PITPNM2: variants seen among roughly 807,000 people sequenced by gnomAD.
The protein encoded by PITPNM2 is phosphatidylinositol transfer protein membrane associated 2, also known as membrane-associated phosphatidylinositol transfer protein 2.
In PITPNM2, 35 loss-of-function variants were observed where a neutral mutation model predicts 132.2. The ratio of observed to expected loss-of-function variants is 0.26; its 90% confidence interval spans 0.20 to 0.35. PITPNM2 has a LOEUF of 0.35. Ranked by LOEUF, PITPNM2 falls within the 10% of genes least tolerant of loss-of-function variation. The probability of loss-of-function intolerance (pLI) is 1.00; values close to 1 mark genes in which losing one functional copy is unlikely to be tolerated. For missense variants in PITPNM2, 1,332 were observed against 1,912.0 expected (o/e 0.70, Z 5.66); for synonymous variants, 738 against 799.2 (o/e 0.92, Z 1.29).
intron 2 of PITPNM2, among the ~76,000 whole-genome samples, chr12:123,067,995 G>A (rs911693258): frequency 6.6e-5 from 10 of 152,172 alleles, no homozygotes; most frequent in South Asian, 6.2e-4. Context: ...AGGAGCCAAC[G>A]GTGAGAAACC....
chr12:123,037,606 G>C (rs868676292), intron 2 of PITPNM2, among the ~76,000 whole-genome samples: 22 of 152,322 alleles, frequency 1.4e-4, no homozygotes, highest in Middle Eastern at 6.8e-3. Context: ...AACCTTACGA[G>C]TCTAAGCATT....
chr12:123,114,915 C>T (rs2042906207), intron 1 of PITPNM2, among the ~76,000 whole-genome samples: 1 of 152,210 alleles, frequency 6.6e-6, no homozygotes, highest in Non-Finnish European at 1.5e-5. Flanking sequence ...GAAGGCACCT[C>T]CCAGGCACAG....
intron 2 of PITPNM2, among the ~76,000 whole-genome samples, chr12:123,101,134 T>C (rs1405308952): frequency 6.6e-6 from 1 of 152,252 alleles, no homozygotes; most frequent in African/African-American, 2.4e-5. Context: ...CACTCTGTAC[T>C]GGTTTTCTTA....
intron 2 of PITPNM2, among the ~76,000 whole-genome samples, chr12:123,048,415 T>C (rs1248059386): frequency 2.0e-5 from 3 of 151,630 alleles, no homozygotes; most frequent in African/African-American, 7.3e-5. Flanking sequence ...TTTTTTGTTT[T>C]TTTTTTTTGA....
rs1450071765 is a variant in PITPNM2, at chr12:122,983,962, CAA to C, written c.*2063_*2064del. On this transcript the variant is annotated 3_prime_UTR_variant, in exon 26 of 26. Coordinates refer to ENST00000320201, the MANE Select transcript of PITPNM2 (RefSeq NM_020845.3). Reference sequence around the variant, plus strand: ...AGTTTCAGAAAGACTGGTACTTCCTCAAGAGGAGAATGTGCCAAAAGGAATCT... The same window carrying C: ...AGTTTCAGAAAGACTGGTACTTCCTCGAGGAGAATGTGCCAAAAGGAATCT... The C allele has an allele frequency of 2.0e-5, 3 of 152,706 alleles. No individual in the cohort carries two copies. Among genetic ancestry groups the C allele is most frequent in the Non-Finnish European group, 4.4e-5 (3 of 68,056 alleles). The allele number at this position is 152,706 out of a possible 1,614,324, so 9.5% of individuals were successfully genotyped here.
intron 2 of PITPNM2, among the ~76,000 whole-genome samples, chr12:123,101,508 G>T (rs1044578167): frequency 3.9e-5 from 6 of 152,198 alleles, no homozygotes; most frequent in African/African-American, 1.4e-4. Flanking sequence ...TAAAATTTCA[G>T]GCACTGGAGG....
chr12:123,129,351 G>A (rs1005734291), intron 1 of PITPNM2, among the ~76,000 whole-genome samples: 27 of 152,086 alleles, frequency 1.8e-4, no homozygotes, highest in African/African-American at 5.3e-4. Context: ...GGCGGATCAC[G>A]AGGTCAGGAG....
chr12:123,055,502 G>A (rs2040993701), intron 2 of PITPNM2, among the ~76,000 whole-genome samples: 2 of 152,214 alleles, frequency 1.3e-5, no homozygotes, highest in Non-Finnish European at 2.9e-5. Context: ...CTGGCTGGGT[G>A]CTAAACAGAT....
intron 1 of PITPNM2, among the ~76,000 whole-genome samples, chr12:123,134,989 T>C (rs533907195): frequency 2.7e-4 from 41 of 152,308 alleles, no homozygotes; most frequent in Middle Eastern, 3.4e-3. Context: ...GAAATTCAGC[T>C]GCACGATAGA....
At chr12:123,122,989 A>T (rs1240600801) in intron 1 of PITPNM2, among the ~76,000 whole-genome samples, 1 of 152,254 alleles carries the variant, frequency 6.6e-6, no homozygotes, top group African/African-American at 2.4e-5. Flanking sequence ...AACAAAAATA[A>T]AAGAAAAACA....
chr12:123,080,083 T>C (rs2041912167), intron 2 of PITPNM2, among the ~76,000 whole-genome samples: 1 of 152,228 alleles, frequency 6.6e-6, no homozygotes, highest in South Asian at 2.1e-4. Flanking sequence ...GGTCCATCCA[T>C]GTTGTGGCGT....
intron 3 of PITPNM2, among the ~76,000 whole-genome samples, chr12:123,028,231 G>A (rs1385168541): frequency 1.3e-5 from 2 of 152,306 alleles, no homozygotes; most frequent in South Asian, 2.1e-4. Flanking sequence ...CCAGGCAGAC[G>A]ATTTTGTTTT....
At chr12:123,038,438 G>A (rs1057271693) in intron 2 of PITPNM2, among the ~76,000 whole-genome samples, 1 of 152,164 alleles carries the variant, frequency 6.6e-6, no homozygotes, top group Non-Finnish European at 1.5e-5. Context: ...TGTATCTGCT[G>A]AGCCTCGGTC....
chr12:123,015,001 A>C (rs1309856506), intron 3 of PITPNM2, among the ~76,000 whole-genome samples: 1 of 152,262 alleles, frequency 6.6e-6, no homozygotes, highest in Non-Finnish European at 1.5e-5. Context: ...AGACCTGTGC[A>C]CTTAAAACTA....
At chr12:123,141,420 C>T (rs1359465478) in intron 1 of PITPNM2, among the ~76,000 whole-genome samples, 1 of 152,194 alleles carries the variant, frequency 6.6e-6, no homozygotes, top group African/African-American at 2.4e-5. Flanking sequence ...AATCCACAGA[C>T]GCTGGATCAC....
At chr12:123,011,478 T>C (rs2136241823) in intron 5 of PITPNM2, among the ~76,000 whole-genome samples, 1 of 152,318 alleles carries the variant, frequency 6.6e-6, no homozygotes, top group African/African-American at 2.4e-5. Context: ...CAGGGCTGCC[T>C]GCTATGGGAA....
chr12:123,100,062 T>A (rs2042521841), intron 2 of PITPNM2, among the ~76,000 whole-genome samples: 1 of 152,178 alleles, frequency 6.6e-6, no homozygotes, highest in South Asian at 2.1e-4. Flanking sequence ...TAAGGACTAA[T>A]AAGGTCTGCA....
In PITPNM2 at chr12:123,063,892, G is replaced by A. The variant is rs999287288; in HGVS notation, c.-95-29207C>T. 2.6e-5 allele frequency among the ~76,000 whole-genome samples: 4 copies of A among 152,282 alleles called. No homozygotes were observed. In the South Asian group the frequency reaches 8.3e-4, roughly 32 times the overall value. The stretch of plus-strand genomic sequence containing the variant: ...ATGTGGACCTTCATTTTATAGGTAT[G>A]TGGACCTAGTCCAATACCACACACA... On this transcript the variant is annotated intron_variant, in intron 2 of 25. Coordinates refer to ENST00000320201, the MANE Select transcript of PITPNM2 (RefSeq NM_020845.3).
In PITPNM2 at chr12:122,992,406, G is replaced by A; in HGVS notation, c.2404+93C>T. On this transcript the variant is annotated intron_variant, in intron 16 of 25. Transcript: ENST00000320201. The surrounding 1 kb of genome is among the most constrained non-coding windows in gnomAD (Gnocchi z 6.5). The stretch of plus-strand genomic sequence containing the variant: ...CAGCACAAGCTGTCCCTCTCACCTG[G>A]GGAAGAACCACGTAGCATGGAGGAC... 6.9e-7 allele frequency: 1 copy of A among 1,448,640 alleles called. No individual in the cohort carries two copies. The allele number at this position is 1,448,640 out of a possible 1,614,324, so 89.7% of individuals were successfully genotyped here. A position where few individuals can be genotyped will look rare whatever the true frequency, so the allele number is the denominator to read the frequency against.
Sources: allele counts gnomAD v4.1 joint callset (sites outside exome capture counted in the v4.1 genomes callset), GRCh38; gene constraint gnomAD v4.1.1; non-coding constraint Gnocchi (gnomAD v3.1); transcripts MANE v1.5; gene names NCBI Gene and HGNC (gene_info 2026-07-23, HGNC 2026-07-21).